Variants in HS6ST3 observed in about 807,000 individuals in gnomAD.
The protein encoded by HS6ST3 is heparan sulfate 6-O-sulfotransferase 3.
In HS6ST3, 12 loss-of-function variants were observed where a neutral mutation model predicts 36.7. The observed-to-expected ratio is 0.33, with a 90% confidence interval of 0.21 to 0.53. HS6ST3 has a LOEUF of 0.53. Ranked by LOEUF, HS6ST3 falls within the 20% of genes least tolerant of loss-of-function variation. The probability of loss-of-function intolerance (pLI) is 0.95; values close to 1 mark genes in which losing one functional copy is unlikely to be tolerated. For missense variants in HS6ST3, 584 were observed against 640.9 expected (o/e 0.91, Z 0.96); for synonymous variants, 240 against 257.5 (o/e 0.93, Z 0.65).
intron 1 of HS6ST3, among the ~76,000 whole-genome samples, chr13:96,417,856 G>A (rs1474764718): frequency 6.6e-6 from 1 of 151,582 alleles, no homozygotes; most frequent in Non-Finnish European, 1.5e-5. Flanking sequence ...AGGCAATACA[G>A]GTTTAGATTC....
At chr13:96,329,060 ATTCTTCTCTC>A (rs2055049655) in intron 1 of HS6ST3, among the ~76,000 whole-genome samples, 1 of 148,932 alleles carries the variant, frequency 6.7e-6, no homozygotes, top group Admixed American at 6.7e-5. Context: ...CATCTATTTG[ATTCTTCTCTC>A]TTTTTTTCTT....
intron 1 of HS6ST3, among the ~76,000 whole-genome samples, chr13:96,097,265 A>G (rs1420847170): frequency 6.6e-6 from 1 of 152,064 alleles, no homozygotes; most frequent in Non-Finnish European, 1.5e-5. Flanking sequence ...AACAATGTGG[A>G]TTTGCTTAGT....
In HS6ST3 at chr13:96,402,384, T is replaced by C. The variant is rs150959839; in HGVS notation, c.707+310815T>C. Among the ~76,000 whole-genome samples the C allele has an allele frequency of 4.2e-4, 64 of 152,342 alleles. 1 individual carries two copies. In the Middle Eastern group the frequency reaches 0.027, roughly 65 times the overall value. On this transcript the variant is annotated intron_variant, in intron 1 of 1. Coordinates refer to ENST00000376705, the MANE Select transcript of HS6ST3 (RefSeq NM_153456.4). ...AATACTATATAAGTTTTAACTATTATTATTAAGTGCTTTAGAATGGTTAAT... is the reference window on the plus strand; with the variant it reads ...AATACTATATAAGTTTTAACTATTACTATTAAGTGCTTTAGAATGGTTAAT...
At chr13:96,729,360 T>C (rs930979842) in intron 1 of HS6ST3, among the ~76,000 whole-genome samples, 5 of 152,136 alleles carry the variant, frequency 3.3e-5, no homozygotes, top group Admixed American at 6.5e-5. Flanking sequence ...AGAGAAAGCA[T>C]GGGCCATCCT....
chr13:96,686,326 T>TC (rs979072952), intron 1 of HS6ST3, among the ~76,000 whole-genome samples: 13 of 151,776 alleles, frequency 8.6e-5, no homozygotes, highest in Non-Finnish European at 1.8e-4. Flanking sequence ...AATGTATTCA[T>TC]CCCCCCCACT....
At chr13:96,389,783 C>T (rs1396369960) in intron 1 of HS6ST3, among the ~76,000 whole-genome samples, 1 of 152,136 alleles carries the variant, frequency 6.6e-6, no homozygotes. Flanking sequence ...GACTAAATAG[C>T]TGAAGGGATC....
At chr13:96,617,610 T>C (rs931520557) in intron 1 of HS6ST3, among the ~76,000 whole-genome samples, 2 of 152,224 alleles carry the variant, frequency 1.3e-5, no homozygotes, top group African/African-American at 4.8e-5. Flanking sequence ...AAAGGAAACC[T>C]GAAATATACT....
intron 1 of HS6ST3, among the ~76,000 whole-genome samples, chr13:96,793,659 G>A (rs1877844256): frequency 6.6e-6 from 1 of 152,066 alleles, no homozygotes; most frequent in Non-Finnish European, 1.5e-5. Flanking sequence ...TTTCCTGCCA[G>A]CTTTCTGGTC....
At chr13:96,388,546 T>C (rs1450306260) in intron 1 of HS6ST3, among the ~76,000 whole-genome samples, 2 of 152,210 alleles carry the variant, frequency 1.3e-5, no homozygotes, top group African/African-American at 4.8e-5. Flanking sequence ...TATACGAATA[T>C]ACCTACAATT....
intron 1 of HS6ST3, among the ~76,000 whole-genome samples, chr13:96,533,264 T>C (rs1327927767): frequency 1.3e-5 from 2 of 152,146 alleles, no homozygotes; most frequent in African/African-American, 2.4e-5. Flanking sequence ...ATTTGGACCC[T>C]CCTAAGAAAA....
intron 1 of HS6ST3, among the ~76,000 whole-genome samples, chr13:96,646,190 A>G (rs1290677430): frequency 6.6e-6 from 1 of 152,042 alleles, no homozygotes; most frequent in African/African-American, 2.4e-5. Flanking sequence ...TGCGGTGACA[A>G]GAGTCTCCAA....
At chr13:96,404,101 T>C (rs1216775171) in intron 1 of HS6ST3, among the ~76,000 whole-genome samples, 1 of 152,144 alleles carries the variant, frequency 6.6e-6, no homozygotes, top group Admixed American at 6.5e-5. Context: ...GTAAGAGGAG[T>C]TGCAATTATA....
intron 1 of HS6ST3, among the ~76,000 whole-genome samples, chr13:96,318,403 C>T (rs1010147069): frequency 1.3e-5 from 2 of 151,754 alleles, no homozygotes; most frequent in East Asian, 3.9e-4. Flanking sequence ...ATGGTGGCAG[C>T]TGCCTGTAAT....
chr13:96,317,378 A>AAT (rs1566322220), intron 1 of HS6ST3, among the ~76,000 whole-genome samples: 2 of 101,326 alleles, frequency 2.0e-5, no homozygotes, highest in Non-Finnish European at 4.2e-5. Flanking sequence ...AAAATTATAT[A>AAT]TATATATATA....
chr13:96,787,304 A>G (rs1229436241), intron 1 of HS6ST3, among the ~76,000 whole-genome samples: 2 of 152,164 alleles, frequency 1.3e-5, no homozygotes, highest in Non-Finnish European at 2.9e-5. Flanking sequence ...TGTTTAGCTT[A>G]TTAAGAAAAT....
At chr13:96,282,577 T>C (rs1352036802) in intron 1 of HS6ST3, among the ~76,000 whole-genome samples, 1 of 152,196 alleles carries the variant, frequency 6.6e-6, no homozygotes, top group Non-Finnish European at 1.5e-5. Context: ...AACCTACATC[T>C]TTGGCGTACA....
At chr13:96,631,480 T>C (rs1438767376) in intron 1 of HS6ST3, among the ~76,000 whole-genome samples, 1 of 152,210 alleles carries the variant, frequency 6.6e-6, no homozygotes, top group Non-Finnish European at 1.5e-5. Flanking sequence ...TCAAATTTAA[T>C]CAGGTAAACA....
intron 1 of HS6ST3, among the ~76,000 whole-genome samples, chr13:96,320,540 C>G (rs1052253732): frequency 6.6e-6 from 1 of 152,192 alleles, no homozygotes; most frequent in Non-Finnish European, 1.5e-5. Flanking sequence ...ACACAGAAGG[C>G]TTGAAAATGG....
chr13:96,578,052 G>T (rs960333166), intron 1 of HS6ST3, among the ~76,000 whole-genome samples: 1 of 152,182 alleles, frequency 6.6e-6, no homozygotes, highest in African/African-American at 2.4e-5. Context: ...AATCGGGCTG[G>T]TTAAGTGCAG....
Sources: allele counts gnomAD v4.1 joint callset (sites outside exome capture counted in the v4.1 genomes callset), GRCh38; gene constraint gnomAD v4.1.1; transcripts MANE v1.5; gene names NCBI Gene and HGNC (gene_info 2026-07-23, HGNC 2026-07-21).